The following NXPE2 variants were observed in gnomAD, a reference collection of about 807,000 sequenced individuals.
The protein encoded by NXPE2 is neurexophilin and PC-esterase domain family member 2.
Under a neutral mutation model 34.4 loss-of-function variants are expected in NXPE2, and 34 were observed. That is an observed-to-expected ratio of 0.99 (90% CI 0.75 to 1.31). The LOEUF (loss-of-function observed/expected upper bound fraction) is 1.31. Ranked by LOEUF, NXPE2 falls within the 40% of genes most tolerant of loss-of-function variation. The pLI, the probability that NXPE2 is intolerant of heterozygous loss-of-function variation, is 0.00. For synonymous variants in NXPE2, 235 were observed against 231.3 expected, an observed-to-expected ratio of 1.02 and a Z score of -0.15; for missense variants, 649 against 672.5, an observed-to-expected ratio of 0.97 and a Z score of 0.39.
At chr11:114,474,713 G>A in the NXPE2 span, among the ~76,000 whole-genome samples, 5,241 of 152,078 alleles carry the variant, frequency 0.034, 294 homozygotes, top group African/African-American at 0.12. Context: ...GGTGAAAAAC[G>A]GTATGTAATA....
chr11:114,780,717 C>A, the NXPE2 span, among the ~76,000 whole-genome samples: 6 of 152,072 alleles, frequency 3.9e-5, no homozygotes, highest in African/African-American at 1.4e-4. Flanking sequence ...TGACTCAGGG[C>A]GATCTGATAA....
chr11:114,703,257 T>C (rs1256715258), intron 3 of NXPE2, among the ~76,000 whole-genome samples: 1 of 152,122 alleles, frequency 6.6e-6, no homozygotes, highest in Non-Finnish European at 1.5e-5. Flanking sequence ...CAGAAAGTCA[T>C]GGGAAAGTTT....
At chr11:114,617,932 CATA>C in the NXPE2 span, among the ~76,000 whole-genome samples, 1 of 146,550 alleles carries the variant, frequency 6.8e-6, no homozygotes. Flanking sequence ...TAATCTGCTG[CATA>C]ATAAGTATTG....
the NXPE2 span, among the ~76,000 whole-genome samples, chr11:114,467,835 C>G: frequency 3.9e-5 from 6 of 151,926 alleles, no homozygotes; most frequent in African/African-American, 1.2e-4. Context: ...ACTTGGGAGG[C>G]TGAGGTTGGA....
the NXPE2 span, among the ~76,000 whole-genome samples, chr11:114,500,887 AT>A: frequency 6.6e-6 from 1 of 152,136 alleles, no homozygotes; most frequent in Admixed American, 6.5e-5. Context: ...TCCATTCCTT[AT>A]GGAATTATTT....
At chr11:114,480,047 C>G in the NXPE2 span, among the ~76,000 whole-genome samples, 1 of 152,086 alleles carries the variant, frequency 6.6e-6, no homozygotes, top group Non-Finnish European at 1.5e-5. Context: ...GGGGAGCACA[C>G]CAAGCCATTT....
chr11:114,719,876 T>A, the NXPE2 span, among the ~76,000 whole-genome samples: 1 of 152,194 alleles, frequency 6.6e-6, no homozygotes, highest in Non-Finnish European at 1.5e-5. Context: ...TTCTTAGACC[T>A]ACTGCCTCCT....
the NXPE2 span, among the ~76,000 whole-genome samples, chr11:114,507,247 CA>C: frequency 2.5e-3 from 225 of 91,412 alleles, 4 homozygotes; most frequent in Admixed American, 6.6e-3. Context: ...GCCAACCAAC[CA>C]AAAAAAAAAA....
At chr11:114,490,891 G>A in the NXPE2 span, among the ~76,000 whole-genome samples, 5 of 151,900 alleles carry the variant, frequency 3.3e-5, no homozygotes, top group Admixed American at 6.6e-5. Context: ...GGCCGGGCGC[G>A]GTGGCTCACG....
chr11:114,743,796 T>A, the NXPE2 span, among the ~76,000 whole-genome samples: 1 of 120,666 alleles, frequency 8.3e-6, no homozygotes, highest in Non-Finnish European at 1.8e-5. Flanking sequence ...ATTATGTATA[T>A]GTGTGTGTGT....
At chr11:114,628,364 T>A in the NXPE2 span, among the ~76,000 whole-genome samples, 2 of 152,176 alleles carry the variant, frequency 1.3e-5, no homozygotes, top group Non-Finnish European at 2.9e-5. Context: ...GGATTAAGAA[T>A]CTCACTCAAA....
the NXPE2 span, among the ~76,000 whole-genome samples, chr11:114,607,952 C>T: frequency 4.0e-5 from 6 of 151,614 alleles, no homozygotes; most frequent in Non-Finnish European, 8.8e-5. Context: ...CCACTGTTAC[C>T]CAGTGGATAA....
chr11:114,649,308 A>T, the NXPE2 span, among the ~76,000 whole-genome samples: 1 of 152,214 alleles, frequency 6.6e-6, no homozygotes, highest in Non-Finnish European at 1.5e-5. Context: ...CATTATTCTT[A>T]GTAGCAAAAA....
At chr11:114,581,631 T>C in the NXPE2 span, 2 of 995,044 alleles carry the variant, frequency 2.0e-6, no homozygotes, top group East Asian at 2.5e-5. Context: ...AGAGTGCTGA[T>C]AGGACTGAAA....
At chr11:114,546,789 G>A in the NXPE2 span, among the ~76,000 whole-genome samples, 1 of 152,156 alleles carries the variant, frequency 6.6e-6, no homozygotes, top group Non-Finnish European at 1.5e-5. Context: ...AAAGCATCTT[G>A]TAGTGTCGGA....
At chr11:114,581,766 A>G in the NXPE2 span, 78 of 1,611,084 alleles carry the variant, frequency 4.8e-5, no homozygotes, top group East Asian at 4.9e-4. Context: ...TTTTTCCATA[A>G]TCTCTACACC....
At chr11:114,652,168 T>A in the NXPE2 span, among the ~76,000 whole-genome samples, 2 of 152,168 alleles carry the variant, frequency 1.3e-5, no homozygotes, top group African/African-American at 4.8e-5. Flanking sequence ...GGGTGAGAGA[T>A]AAGCAGGGAG....
the NXPE2 span, among the ~76,000 whole-genome samples, chr11:114,575,507 A>G: frequency 6.6e-6 from 1 of 152,136 alleles, no homozygotes; most frequent in Non-Finnish European, 1.5e-5. Context: ...AGGATACAAA[A>G]TTAATATACA....
the NXPE2 span, among the ~76,000 whole-genome samples, chr11:114,734,015 G>A: frequency 6.6e-6 from 1 of 152,144 alleles, no homozygotes; most frequent in Non-Finnish European, 1.5e-5. Flanking sequence ...TCAGTAAATG[G>A]CAGCAGGAAT....
Sources: gnomAD v4.1 joint callset for allele counts (sites outside exome capture counted in the v4.1 genomes callset) on GRCh38, gnomAD v4.1.1 for gene constraint, MANE v1.5 for transcripts, NCBI Gene and HGNC (gene_info 2026-07-23, HGNC 2026-07-21) for gene names.